Variants in GRIA4 observed in about 807,000 individuals in gnomAD.
The protein encoded by GRIA4 is glutamate receptor 4.
In GRIA4, 34 loss-of-function variants were observed where a neutral mutation model predicts 104.0. The observed-to-expected ratio is 0.33, with a 90% CI of 0.25 to 0.44. The LOEUF (loss-of-function observed/expected upper bound fraction) is 0.44, where lower values mean the gene tolerates loss of function less well. Among genes scored for constraint, GRIA4 ranks in the 20% least tolerant of loss-of-function variants. The pLI is 1.00. For synonymous variants in GRIA4, 386 were observed against 381.9 expected, an observed-to-expected ratio of 1.01 and a Z score of -0.13; for missense variants, 750 against 1,096.5, an observed-to-expected ratio of 0.68 and a Z score of 4.46.
intron 1 of GRIA4, 163 bp from the exon 2 acceptor site, chr11:105,610,745 C>A: frequency 2.3e-6 from 1 of 436,628 alleles, no homozygotes; most frequent in Non-Finnish European, 4.1e-6. Flanking sequence ...GACAGAAAAC[C>A]TCTCCCAGGG....
chr11:105,885,058 T>A (rs1946204902), intron 5 of GRIA4, among the ~76,000 whole-genome samples: 1 of 152,022 alleles, frequency 6.6e-6, no homozygotes. Flanking sequence ...AAGAGATAAA[T>A]AACGGATTGC....
chr11:105,707,952 G>T (rs900477223), intron 3 of GRIA4: 3 of 152,116 alleles, frequency 2.0e-5, no homozygotes, highest in Non-Finnish European at 4.4e-5. Flanking sequence ...TAGACTGTTG[G>T]TTTGCCATTA....
At chr11:105,779,038 TG>T (rs1941588311) in intron 4 of GRIA4, among the ~76,000 whole-genome samples, 1 of 146,438 alleles carries the variant, frequency 6.8e-6, no homozygotes, top group Non-Finnish European at 1.5e-5. Flanking sequence ...ATGCGGTGTT[TG>T]GTTTTTTGTC....
intron 3 of GRIA4, among the ~76,000 whole-genome samples, chr11:105,716,302 C>A (rs12574549): frequency 0.12 from 18,849 of 152,082 alleles, 1,378 homozygotes; most frequent in South Asian, 0.19. Flanking sequence ...AGAAATAAAA[C>A]AGCTCCTATT....
intron 4 of GRIA4, among the ~76,000 whole-genome samples, chr11:105,806,073 C>A (rs1942941572): frequency 6.6e-6 from 1 of 151,734 alleles, no homozygotes. Context: ...CTCTTTAGAC[C>A]AGTAAGTGTA....
intron 4 of GRIA4, among the ~76,000 whole-genome samples, chr11:105,773,393 G>A (rs1320982949): frequency 6.6e-6 from 1 of 151,672 alleles, no homozygotes; most frequent in Non-Finnish European, 1.5e-5. Context: ...TTAATGAACT[G>A]GCTTTATAAT....
chr11:105,920,809 T>C (rs952877907), intron 11 of GRIA4, among the ~76,000 whole-genome samples: 5 of 152,178 alleles, frequency 3.3e-5, no homozygotes, highest in African/African-American at 1.2e-4. Context: ...CAATCTCTGA[T>C]GCTTGAGTTG....
At chr11:105,854,586 T>C (rs998272380) in intron 4 of GRIA4, among the ~76,000 whole-genome samples, 4 of 152,090 alleles carry the variant, frequency 2.6e-5, no homozygotes, top group Non-Finnish European at 4.4e-5. Context: ...ATAAAAGACA[T>C]GTAAAGAGGC....
intron 4 of GRIA4, among the ~76,000 whole-genome samples, chr11:105,809,333 C>T (rs953789764): frequency 3.9e-5 from 6 of 152,116 alleles, no homozygotes; most frequent in Non-Finnish European, 8.8e-5. Flanking sequence ...TCCATCACCT[C>T]AAACACTTAT....
chr11:105,763,919 G>C (rs921027220), intron 4 of GRIA4, among the ~76,000 whole-genome samples: 4 of 152,100 alleles, frequency 2.6e-5, no homozygotes, highest in Non-Finnish European at 5.9e-5. Context: ...TTAGCAACGG[G>C]TATGTCAGAT....
At chr11:105,638,083 A>C (rs1348147148) in intron 3 of GRIA4, among the ~76,000 whole-genome samples, 2 of 152,178 alleles carry the variant, frequency 1.3e-5, no homozygotes. Context: ...GTGTTACCTG[A>C]TAGATGACAC....
At chr11:105,685,173 G>T (rs1952838140) in intron 3 of GRIA4, among the ~76,000 whole-genome samples, 1 of 147,882 alleles carries the variant, frequency 6.8e-6, no homozygotes, top group Non-Finnish European at 1.5e-5. Context: ...AAGGGAGGGA[G>T]GGAGGGAGAG....
intron 3 of GRIA4, chr11:105,614,003 G>A (rs570961711): frequency 6.6e-6 from 1 of 151,926 alleles, no homozygotes; most frequent in Non-Finnish European, 1.5e-5. Flanking sequence ...TTTTAAAAGG[G>A]ATGTCAGCAT....
rs933078254 is a variant in GRIA4 at position 105,718,774 on chromosome 11, T to C, written c.248-34207T>C. Among the ~76,000 whole-genome samples, 6 of 152,286 alleles carry C rather than the reference T, an allele frequency of 3.9e-5. No individual in the cohort carries two copies. In the East Asian group the frequency reaches 1.2e-3, roughly 29 times the overall value. ...CACGGAAGGAGAGGGAATGCACGCA[T>C]GATTTTCCATTCCACTGCTCCCTTG... On this transcript the variant is annotated intron_variant, in intron 3 of 16. Coordinates refer to ENST00000282499, the MANE Select transcript of GRIA4 (RefSeq NM_000829.4).
At position 105,610,428 on chromosome 11, in the gene GRIA4, G is replaced by C. The variant is rs905716215; in HGVS notation, c.-91G>C. On this transcript the variant is annotated splice_region_variant and 5_prime_UTR_variant, in exon 1 of 17. Coordinates refer to ENST00000282499, the MANE Select transcript of GRIA4 (RefSeq NM_000829.4). ...AGCGTCCGGGAGACTGGGGCGCTCC[G>C]GTGAGCACCCAGGGGGTGAAGCCAG... is the stretch of plus-strand genomic sequence containing the variant. The C allele has an allele frequency of 6.5e-6, 1 of 153,146 alleles. No homozygotes were observed. Among genetic ancestry groups the C allele is most frequent in the Non-Finnish European group, 1.5e-5 (1 of 68,716 alleles). 9.5% of individuals were successfully genotyped at this position (153,146 alleles called of 1,614,324 possible). A position where few individuals can be genotyped will look rare whatever the true frequency, so the allele number is the denominator to read the frequency against.
At chr11:105,646,387 G>C (rs1470105709) in intron 3 of GRIA4, among the ~76,000 whole-genome samples, 1 of 152,098 alleles carries the variant, frequency 6.6e-6, no homozygotes, top group Non-Finnish European at 1.5e-5. Flanking sequence ...GAGCCCAGGA[G>C]TTCGATACCA....
intron 5 of GRIA4, among the ~76,000 whole-genome samples, chr11:105,881,076 C>T (rs964247081): frequency 1.1e-4 from 17 of 152,128 alleles, no homozygotes; most frequent in African/African-American, 2.9e-4. Flanking sequence ...ATGAAAGATG[C>T]ATTTATCAAG....
chr11:105,775,126 A>T (rs1341105966), intron 4 of GRIA4, among the ~76,000 whole-genome samples: 1 of 152,024 alleles, frequency 6.6e-6, no homozygotes, highest in Admixed American at 6.6e-5. Context: ...CCAGCAGCCT[A>T]GCATCTTCAA....
intron 3 of GRIA4, among the ~76,000 whole-genome samples, chr11:105,714,942 T>A (rs2135558333): frequency 6.6e-6 from 1 of 152,250 alleles, no homozygotes; most frequent in Non-Finnish European, 1.5e-5. Flanking sequence ...TCAGCTTTTC[T>A]GGTCTCCAGT....
Sources: gnomAD v4.1 joint callset for allele counts (sites outside exome capture counted in the v4.1 genomes callset) on GRCh38, gnomAD v4.1.1 for gene constraint, MANE v1.5 for transcripts, NCBI Gene and HGNC (gene_info 2026-07-23, HGNC 2026-07-21) for gene names.